Variants in CDK12 observed in about 807,000 individuals in gnomAD.
The protein encoded by CDK12 is cyclin-dependent kinase 12.
In CDK12, 17 loss-of-function variants were observed where a neutral mutation model predicts 133.8. The observed-to-expected ratio is 0.13, with a 90% CI of 0.09 to 0.19. CDK12 has a LOEUF of 0.19. Ranked by LOEUF, CDK12 falls within the 10% of genes least tolerant of loss-of-function variation. The pLI is 1.00. For synonymous variants in CDK12, 694 were observed against 683.6 expected, an observed-to-expected ratio of 1.02 and a Z score of -0.24; for missense variants, 1,508 against 1,818.7, an observed-to-expected ratio of 0.83 and a Z score of 3.11.
At chr17:39,469,825 C>T (rs1284403726) in intron 1 of CDK12, among the ~76,000 whole-genome samples, 2 of 151,530 alleles carry the variant, frequency 1.3e-5, no homozygotes, top group East Asian at 2.0e-4. Context: ...TTAGTAGAGA[C>T]GGGGTTTCTC....
At chr17:39,549,657 A>G (rs1159752733), upstream of CDK12, 1 of 152,146 alleles carries the variant, frequency 6.6e-6, no homozygotes, top group Non-Finnish European at 1.5e-5. Flanking sequence ...AAGAGCAGTG[A>G]TATGCCAAGA....
intron 2 of CDK12, among the ~76,000 whole-genome samples, chr17:39,486,454 A>G (rs2051141096): frequency 6.6e-6 from 1 of 151,300 alleles, no homozygotes; most frequent in Non-Finnish European, 1.5e-5. Context: ...TTTTTTAGAG[A>G]TAAGGTCTCA....
In CDK12 at chr17:39,532,102, T is replaced by TCTCTCTCTCTCTCTC. The variant is rs2054883789; in HGVS notation, c.*786_*787insCTCTCTCTCTCTCTC. The TCTCTCTCTCTCTCTC allele has an allele frequency of 4.9e-6, 1 of 206,012 alleles. No individual in the cohort carries two copies. Among genetic ancestry groups the TCTCTCTCTCTCTCTC allele is most frequent in the African/African-American group, 2.6e-5 (1 of 37,824 alleles). 12.8% of individuals were successfully genotyped at this position (206,012 alleles called of 1,614,324 possible). ...GCTGATGTGTGCTCTCTCTCTCTCT[T>TCTCTCTCTCTCTCTC]TCTCTCTCTCTCTCTCTCTCTCTCT... On this transcript the variant is annotated 3_prime_UTR_variant, in exon 14 of 14. Coordinates refer to ENST00000447079, the MANE Select transcript of CDK12 (RefSeq NM_016507.4).
chr17:39,526,911 G>C (rs144031131), intron 13 of CDK12, among the ~76,000 whole-genome samples: 1 of 152,220 alleles, frequency 6.6e-6, no homozygotes, highest in African/African-American at 2.4e-5. Flanking sequence ...AGAAGCAATT[G>C]AATGGACCCC....
chr17:39,473,062 C>CGA (rs2049921053), intron 2 of CDK12, among the ~76,000 whole-genome samples: 1 of 150,266 alleles, frequency 6.7e-6, no homozygotes, highest in African/African-American at 2.5e-5. Flanking sequence ...GGCGATAGAG[C>CGA]GAGACTCCGT....
chr17:39,464,951 C>CAA (rs562143259), intron 1 of CDK12, among the ~76,000 whole-genome samples: 50 of 128,842 alleles, frequency 3.9e-4, no homozygotes, highest in Non-Finnish European at 5.9e-4. Flanking sequence ...GACCCTGTCT[C>CAA]AAAAAAAAAA....
chr17:39,491,410 T>C (rs1047681134), intron 3 of CDK12, among the ~76,000 whole-genome samples: 3 of 152,030 alleles, frequency 2.0e-5, no homozygotes, highest in Admixed American at 6.6e-5. Context: ...CTAATTTTTG[T>C]ATTTTTAGTA....
intron 2 of CDK12, among the ~76,000 whole-genome samples, chr17:39,486,206 C>A (rs2051113110): frequency 6.7e-6 from 1 of 150,172 alleles, no homozygotes; most frequent in African/African-American, 2.4e-5. Context: ...GCCCGCTTGG[C>A]CTCCCAAAGT....
intron 1 of CDK12, among the ~76,000 whole-genome samples, chr17:39,465,489 T>C (rs534773532): frequency 1.3e-5 from 2 of 151,450 alleles, no homozygotes; most frequent in African/African-American, 4.9e-5. Context: ...AGCTGCTTTG[T>C]TTTTTGTTTT....
intron 11 of CDK12, among the ~76,000 whole-genome samples, chr17:39,521,718 C>T (rs2054181543): frequency 6.6e-6 from 1 of 151,978 alleles, no homozygotes; most frequent in South Asian, 2.1e-4. Context: ...GGCCACCACG[C>T]CCGACTAATT....
chr17:39,522,608 A>G (rs1188228819), intron 11 of CDK12, among the ~76,000 whole-genome samples: 1 of 151,642 alleles, frequency 6.6e-6, no homozygotes, highest in Non-Finnish European at 1.5e-5. Context: ...TAATTTTTGT[A>G]TTTTTAGTAG....
rs185653110 is a variant in CDK12 at position 39,476,318 on chromosome 17, C to T, written c.1931+4555C>T. Among the ~76,000 whole-genome samples, 424 of 152,010 alleles carry T rather than the reference C, an allele frequency of 2.8e-3. 1 individual carries two copies. The highest frequency in any genetic ancestry group is 4.1e-3 in the Non-Finnish European group (278 of 67,978). Reference sequence around the variant, plus strand: ...AGAGGTAGGGTTTCACCATATTTCTCCTGGATGGTCTCGATGTCTTGATCT... The same window carrying T: ...AGAGGTAGGGTTTCACCATATTTCTTCTGGATGGTCTCGATGTCTTGATCT... On this transcript the variant is annotated intron_variant, in intron 2 of 13. Coordinates refer to ENST00000447079, the MANE Select transcript of CDK12 (RefSeq NM_016507.4).
chr17:39,499,398 A>G (rs2052549144), intron 5 of CDK12, among the ~76,000 whole-genome samples: 3 of 150,416 alleles, frequency 2.0e-5, no homozygotes, highest in African/African-American at 7.4e-5. Context: ...TAGCAGAGTT[A>G]GGGTTTCACC....
chr17:39,462,856 A>G lies in CDK12; in HGVS notation c.785A>G (p.Tyr262Cys), dbSNP rs781029595. 5.6e-6 allele frequency: 9 copies of G among 1,614,148 alleles called. No individual in the cohort carries two copies. The highest frequency in any genetic ancestry group is 7.6e-6 in the Non-Finnish European group (9 of 1,180,000). ...CATACCTCGAGCAATTATGACTCCT[A>G]CAAGAAAAGTCCTGGAAGTACCTCG... ...RSHTSSNYDSYKKSPGSTSRR... is the reference protein window; with the variant it reads ...RSHTSSNYDSCKKSPGSTSRR... Residue 262 changes from tyrosine (Y) to cysteine (C), a missense_variant, in exon 1 of 14, where the codon TAC (tyrosine) becomes TGC (cysteine). By Grantham distance (194) the Tyr-to-Cys change is radical. Transcript: ENST00000447079.
rs1198962554 is a variant in CDK12, at chr17:39,501,165, CCA to C, written c.2420-84_2420-83del. 8 of 1,006,870 alleles carry C rather than the reference CCA, an allele frequency of 7.9e-6. No homozygotes were observed. In the Admixed American group the frequency reaches 1.7e-4, roughly 22 times the overall value. 62.4% of individuals were successfully genotyped at this position (1,006,870 alleles called of 1,614,324 possible). ...TTTTCTAGAGAACCTGTGGTCAACT[CCA>C]AAATTATATTAGGACTTGAGGCATT... is the stretch of plus-strand genomic sequence containing the variant. On this transcript the variant is annotated intron_variant, in intron 5 of 13. Coordinates refer to ENST00000447079, the MANE Select transcript of CDK12 (RefSeq NM_016507.4).
downstream of CDK12, among the ~76,000 whole-genome samples, chr17:39,536,093 C>T (rs1434801544): frequency 6.6e-6 from 1 of 152,112 alleles, no homozygotes; most frequent in Non-Finnish European, 1.5e-5. Context: ...TACTCCAAGC[C>T]AGAGTTGAAA....
chr17:39,496,722 A>G (rs1186029580), intron 5 of CDK12, among the ~76,000 whole-genome samples: 1 of 152,042 alleles, frequency 6.6e-6, no homozygotes, highest in Non-Finnish European at 1.5e-5. Flanking sequence ...CCCAAAAAAC[A>G]TAATAACAAT....
chr17:39,560,890 C>T (rs541401131), intron 3 of CDK12, among the ~76,000 whole-genome samples: 1 of 152,304 alleles, frequency 6.6e-6, no homozygotes, highest in African/African-American at 2.4e-5. Context: ...TGGCAAGCAC[C>T]TGTAATCTCA....
At chr17:39,483,839 T>C (rs1209601632) in intron 2 of CDK12, among the ~76,000 whole-genome samples, 1 of 151,682 alleles carries the variant, frequency 6.6e-6, no homozygotes, top group Non-Finnish European at 1.5e-5. Context: ...ATAAATTTTA[T>C]ATTTTTTCTT....
Sources: gnomAD v4.1 joint callset for allele counts (sites outside exome capture counted in the v4.1 genomes callset) on GRCh38, gnomAD v4.1.1 for gene constraint, MANE v1.5 for transcripts, NCBI Gene and HGNC (gene_info 2026-07-23, HGNC 2026-07-21) for gene names.